NOS1AP: variants seen among roughly 807,000 people sequenced by gnomAD.
The protein encoded by NOS1AP is nitric oxide synthase 1 adaptor protein.
In NOS1AP, 21 loss-of-function variants were observed where a neutral mutation model predicts 56.2. That is an observed-to-expected ratio of 0.37 (90% confidence interval 0.26 to 0.54). NOS1AP has a LOEUF of 0.54. Among genes scored for constraint, NOS1AP ranks in the 20% least tolerant of loss-of-function variants. The probability of loss-of-function intolerance (pLI) is 0.84; values close to 1 mark genes in which losing one functional copy is unlikely to be tolerated. For missense variants in NOS1AP, 522 were observed against 657.8 expected (o/e 0.79, Z 2.26); for synonymous variants, 270 against 274.6 (o/e 0.98, Z 0.17).
At chr1:162,119,643 C>T (rs1277093971) in intron 1 of NOS1AP, among the ~76,000 whole-genome samples, 1 of 152,122 alleles carries the variant, frequency 6.6e-6, no homozygotes, top group Admixed American at 6.5e-5. Context: ...TTGCATGGCT[C>T]TTTATTCTTC....
In NOS1AP at chr1:162,246,528, C is replaced by T. The variant is rs190877140; in HGVS notation, c.178-40816C>T. On this transcript the variant is annotated intron_variant, in intron 2 of 9. Transcript: ENST00000361897. ...AGGAAAACATATAATTCTTGCTCTC[C>T]AGGAGATTTTAATCTAGTTAAGGAG... Among the ~76,000 whole-genome samples, 5 of 152,156 alleles carry T rather than the reference C, an allele frequency of 3.3e-5. No individual in the cohort carries two copies. In the East Asian group the frequency reaches 9.6e-4, roughly 29 times the overall value.
At chr1:162,072,476 G>A (rs1691680077) in intron 1 of NOS1AP, among the ~76,000 whole-genome samples, 1 of 152,172 alleles carries the variant, frequency 6.6e-6, no homozygotes, top group Non-Finnish European at 1.5e-5. Flanking sequence ...AGGCAGTGGT[G>A]GTCAGTGAAA....
intron 1 of NOS1AP, among the ~76,000 whole-genome samples, chr1:162,072,059 C>CAGATAGATAGAT (rs138572328): frequency 0.034 from 4,760 of 141,648 alleles, 117 homozygotes; most frequent in East Asian, 0.051. Flanking sequence ...GACCCTGTCT[C>CAGATAGATAGAT]AGATAGATAG....
intron 2 of NOS1AP, among the ~76,000 whole-genome samples, chr1:162,278,150 C>T (rs1050865435): frequency 2.4e-4 from 36 of 152,180 alleles, no homozygotes; most frequent in African/African-American, 8.7e-4. Flanking sequence ...CAAATGCCTT[C>T]ATTTCTATGT....
chr1:162,299,785 C>T (rs1002195009), intron 3 of NOS1AP, among the ~76,000 whole-genome samples: 4 of 151,868 alleles, frequency 2.6e-5, no homozygotes, highest in Admixed American at 6.6e-5. Flanking sequence ...TGTGTGCACG[C>T]GCACATACGT....
At chr1:162,337,716 C>G (rs997197783) in intron 5 of NOS1AP, among the ~76,000 whole-genome samples, 2 of 152,202 alleles carry the variant, frequency 1.3e-5, no homozygotes, top group Non-Finnish European at 2.9e-5. Context: ...ACACAGCTAT[C>G]TGTTGGAAAC....
At chr1:162,195,320 C>G (rs886648280) in intron 2 of NOS1AP, among the ~76,000 whole-genome samples, 10 of 151,960 alleles carry the variant, frequency 6.6e-5, no homozygotes, top group African/African-American at 1.9e-4. Flanking sequence ...GTACCTTGCT[C>G]TTACTCATTG....
chr1:162,226,067 G>A (rs559907381), intron 2 of NOS1AP, among the ~76,000 whole-genome samples: 2 of 152,278 alleles, frequency 1.3e-5, no homozygotes, highest in Admixed American at 6.5e-5. Flanking sequence ...GCTGAGGTGG[G>A]CGAATCACCT....
At chr1:162,118,108 C>T (rs1648044865) in intron 1 of NOS1AP, among the ~76,000 whole-genome samples, 1 of 152,194 alleles carries the variant, frequency 6.6e-6, no homozygotes, top group South Asian at 2.1e-4. Flanking sequence ...AAACTAATTT[C>T]AACTTTTTTA....
intron 2 of NOS1AP, among the ~76,000 whole-genome samples, chr1:162,236,798 AG>A (rs1302190968): frequency 3.3e-5 from 5 of 152,164 alleles, no homozygotes; most frequent in African/African-American, 1.2e-4. Flanking sequence ...ATTGCAGAAG[AG>A]TCTGGCTGGT....
At chr1:162,228,212 A>T (rs1334687614) in intron 2 of NOS1AP, among the ~76,000 whole-genome samples, 1 of 152,236 alleles carries the variant, frequency 6.6e-6, no homozygotes, top group Non-Finnish European at 1.5e-5. Context: ...CTGATATACC[A>T]TCATAATTTT....
chr1:162,082,625 C>T (rs914210340), intron 1 of NOS1AP, among the ~76,000 whole-genome samples: 2 of 152,056 alleles, frequency 1.3e-5, no homozygotes, highest in African/African-American at 2.4e-5. Flanking sequence ...TTTAGTAATA[C>T]CCCTTTTGAC....
At chr1:162,315,700 A>G (rs1327040165) in intron 4 of NOS1AP, among the ~76,000 whole-genome samples, 2 of 152,214 alleles carry the variant, frequency 1.3e-5, no homozygotes, top group Admixed American at 6.5e-5. Context: ...GGCAGTCACC[A>G]TGATCAAACC....
chr1:162,357,251 C>T, intron 8 of NOS1AP, 115 bp downstream of exon 8: 1 of 1,498,500 alleles, frequency 6.7e-7, no homozygotes, highest in Non-Finnish European at 9.0e-7. Flanking sequence ...AGGAATCGCT[C>T]ATGCTATTGG....
chr1:162,090,423 A>G (rs1042592714), intron 1 of NOS1AP, among the ~76,000 whole-genome samples: 7 of 151,430 alleles, frequency 4.6e-5, no homozygotes, highest in African/African-American at 9.7e-5. Context: ...TATTATTCTG[A>G]GTCAGTATTC....
intron 6 of NOS1AP, 84 bp downstream of exon 6, chr1:162,344,060 C>T (rs1378978199): frequency 2.1e-6 from 3 of 1,453,040 alleles, no homozygotes; most frequent in Non-Finnish European, 2.9e-6. Flanking sequence ...GACCCCCAGG[C>T]TGTGAACTCA....
At chr1:162,103,658 G>T (rs916825773) in intron 1 of NOS1AP, among the ~76,000 whole-genome samples, 1 of 152,118 alleles carries the variant, frequency 6.6e-6, no homozygotes, top group Non-Finnish European at 1.5e-5. Context: ...ATCCCTTGTT[G>T]AATTGAACCC....
chr1:162,288,886 GCTT>G (rs1046405403), intron 3 of NOS1AP, among the ~76,000 whole-genome samples: 9 of 152,162 alleles, frequency 5.9e-5, no homozygotes, highest in African/African-American at 2.2e-4. Context: ...CATCTGTTTT[GCTT>G]CTTCTCCTCT....
intron 2 of NOS1AP, among the ~76,000 whole-genome samples, chr1:162,263,318 C>G (rs1384648211): frequency 1.3e-5 from 2 of 152,184 alleles, no homozygotes; most frequent in African/African-American, 4.8e-5. Flanking sequence ...GCCCTTTATG[C>G]TGTGTCCATA....
Sources: allele counts gnomAD v4.1 joint callset (sites outside exome capture counted in the v4.1 genomes callset), GRCh38; gene constraint gnomAD v4.1.1; transcripts MANE v1.5; gene names NCBI Gene and HGNC (gene_info 2026-07-23, HGNC 2026-07-21).